ARID4B: variants seen among roughly 807,000 people sequenced by gnomAD.
ARID4B encodes AT-rich interactive domain-containing protein 4B.
A neutral mutation model predicts 147.5 loss-of-function variants in ARID4B; 26 were observed. That is an observed-to-expected ratio of 0.18 (90% CI 0.13 to 0.24). ARID4B has a LOEUF of 0.24. ARID4B is among the 10% of genes least tolerant of loss of function. The pLI, the probability that ARID4B is intolerant of heterozygous loss-of-function variation, is 1.00. For synonymous variants in ARID4B, 512 were observed against 507.9 expected (o/e 1.01, Z -0.11); for missense variants, 1,179 against 1,511.5 (o/e 0.78, Z 3.65).
chr1:235,301,318 G>A (rs1009975038), intron 2 of ARID4B, among the ~76,000 whole-genome samples: 7 of 151,574 alleles, frequency 4.6e-5, no homozygotes, highest in Admixed American at 1.3e-4. Flanking sequence ...CGGGAGAATC[G>A]CTTGAGCCCA....
At chr1:235,177,936 T>A in intron 20 of ARID4B, 23 bp from the exon 21 acceptor site, 1 of 1,380,394 alleles carries the variant, frequency 7.2e-7, no homozygotes, top group Non-Finnish European at 9.9e-7. Flanking sequence ...AGGAATTAAG[T>A]AACACAAAAT....
intron 11 of ARID4B, among the ~76,000 whole-genome samples, chr1:235,225,183 C>A (rs1163659646): frequency 1.3e-5 from 2 of 152,158 alleles, no homozygotes; most frequent in Admixed American, 1.3e-4. Flanking sequence ...AAAACTAATT[C>A]TATTATTGCT....
chr1:235,310,700 C>T (rs1483296560), intron 2 of ARID4B, among the ~76,000 whole-genome samples: 1 of 152,152 alleles, frequency 6.6e-6, no homozygotes, highest in African/African-American at 2.4e-5. Flanking sequence ...CGGGGTCTTG[C>T]TCTGTCACCT....
chr1:235,181,162 T>A, intron 20 of ARID4B: 1 of 1,042,470 alleles, frequency 9.6e-7, no homozygotes, highest in African/African-American at 1.7e-5. Context: ...CTACATACAG[T>A]ATTTGGTTAA....
At chr1:235,233,795 C>T (rs1257891444) in intron 9 of ARID4B, among the ~76,000 whole-genome samples, 1 of 152,050 alleles carries the variant, frequency 6.6e-6, no homozygotes, top group Non-Finnish European at 1.5e-5. Context: ...ATAAATACAT[C>T]AATAGGCCGG....
chr1:235,233,952 A>G (rs12034317), intron 9 of ARID4B, among the ~76,000 whole-genome samples: 70,854 of 151,992 alleles, frequency 0.47, 16,845 homozygotes, highest in South Asian at 0.6. Flanking sequence ...GGTGGCATGC[A>G]CCTATAGTCC....
chr1:235,245,332 T>C (rs1416992645), intron 7 of ARID4B, among the ~76,000 whole-genome samples: 1 of 152,112 alleles, frequency 6.6e-6, no homozygotes, highest in Non-Finnish European at 1.5e-5. Context: ...GAAGAGGAAA[T>C]AAAAAATAAC....
At chr1:235,263,033 A>G (rs1670386080) in intron 2 of ARID4B, among the ~76,000 whole-genome samples, 1 of 152,224 alleles carries the variant, frequency 6.6e-6, no homozygotes, top group African/African-American at 2.4e-5. Context: ...TTCAATTGGT[A>G]CTGGGTATTA....
chr1:235,210,786 G>A (rs890507516), intron 17 of ARID4B, among the ~76,000 whole-genome samples: 3 of 152,116 alleles, frequency 2.0e-5, no homozygotes, highest in Non-Finnish European at 4.4e-5. Flanking sequence ...GAACTAGGTC[G>A]CATTTTCCTC....
At chr1:235,183,499 C>T (rs868608587) in intron 19 of ARID4B, among the ~76,000 whole-genome samples, 19 of 152,184 alleles carry the variant, frequency 1.2e-4, no homozygotes, top group Non-Finnish European at 2.1e-4. Context: ...TGAGCCACCA[C>T]GCCTGGCCCC....
intron 4 of ARID4B, among the ~76,000 whole-genome samples, chr1:235,256,425 G>C (rs1669996233): frequency 6.6e-6 from 1 of 152,106 alleles, no homozygotes; most frequent in Non-Finnish European, 1.5e-5. Context: ...AGGAAGGATA[G>C]GGACAATTTA....
At chr1:235,324,778 A>G (rs1435301340) in intron 2 of ARID4B, among the ~76,000 whole-genome samples, 5 of 152,144 alleles carry the variant, frequency 3.3e-5, no homozygotes, top group African/African-American at 1.2e-4. Flanking sequence ...CTCTACAAAA[A>G]CTACAAAAAT....
At chr1:235,279,837 T>C (rs1250796642) in intron 2 of ARID4B, among the ~76,000 whole-genome samples, 1 of 152,218 alleles carries the variant, frequency 6.6e-6, no homozygotes, top group Non-Finnish European at 1.5e-5. Flanking sequence ...CCCTGGATGC[T>C]GAGTTTTAAG....
At chr1:235,288,562 G>A (rs1395932296) in intron 2 of ARID4B, among the ~76,000 whole-genome samples, 5 of 152,030 alleles carry the variant, frequency 3.3e-5, no homozygotes, top group South Asian at 4.1e-4. Flanking sequence ...ACAAACTGTC[G>A]AATTAATTTT....
At chr1:235,232,135 T>C (rs899484080) in intron 9 of ARID4B, among the ~76,000 whole-genome samples, 4 of 151,874 alleles carry the variant, frequency 2.6e-5, no homozygotes, top group Admixed American at 6.6e-5. Flanking sequence ...AAAATAAAGG[T>C]TGAGCTGAGT....
intron 20 of ARID4B, 42 bp downstream of exon 20, chr1:235,181,543 G>C: frequency 6.3e-7 from 1 of 1,577,768 alleles, no homozygotes; most frequent in Non-Finnish European, 8.6e-7. Flanking sequence ...CTTTAAGAGG[G>C]GAAACCCTAA....
intron 2 of ARID4B, among the ~76,000 whole-genome samples, chr1:235,289,490 G>A (rs763780930): frequency 5.3e-5 from 8 of 152,030 alleles, no homozygotes; most frequent in African/African-American, 1.7e-4. Context: ...CTGGGAGGCC[G>A]AGGTAGGTGA....
intron 9 of ARID4B, among the ~76,000 whole-genome samples, chr1:235,233,478 C>T (rs112941903): frequency 6.6e-6 from 1 of 151,938 alleles, no homozygotes; most frequent in Non-Finnish European, 1.5e-5. Context: ...ATAAAAATAC[C>T]TTTCCCGAAC....
At chr1:235,269,327 G>A (rs1228740746) in intron 2 of ARID4B, among the ~76,000 whole-genome samples, 1 of 152,214 alleles carries the variant, frequency 6.6e-6, no homozygotes, top group African/African-American at 2.4e-5. Context: ...AAGCTGACAG[G>A]TGGTTTGATG....
Sources: gnomAD v4.1 joint callset for allele counts (sites outside exome capture counted in the v4.1 genomes callset) on GRCh38, gnomAD v4.1.1 for gene constraint, MANE v1.5 for transcripts, NCBI Gene and HGNC (gene_info 2026-07-23, HGNC 2026-07-21) for gene names.